CCDC88A: variants seen among roughly 807,000 people sequenced by gnomAD.
The protein encoded by CCDC88A is girdin.
CCDC88A carries 54 observed loss-of-function variants against 234.3 expected under a neutral mutation model. That is an observed-to-expected ratio of 0.23 (90% CI 0.19 to 0.29). The LOEUF (loss-of-function observed/expected upper bound fraction) is 0.29. Among genes scored for constraint, CCDC88A ranks in the 10% least tolerant of loss-of-function variants. CCDC88A has a pLI of 1.00. For synonymous variants in CCDC88A, 753 were observed against 737.8 expected, an observed-to-expected ratio of 1.02 and a Z score of -0.33; for missense variants, 1,832 against 2,123.4, an observed-to-expected ratio of 0.86 and a Z score of 2.70.
chr2:55,322,884 T>C (rs1326970340), intron 17 of CCDC88A, 192 bp from the exon 18 acceptor site: 2 of 389,786 alleles, frequency 5.1e-6, no homozygotes, highest in Non-Finnish European at 9.0e-6. Context: ...AAACATACTC[T>C]ACTTATGTGC....
intron 3 of CCDC88A, among the ~76,000 whole-genome samples, chr2:55,384,386 C>T (rs1335969638): frequency 6.7e-6 from 1 of 149,532 alleles, no homozygotes; most frequent in Non-Finnish European, 1.5e-5. Flanking sequence ...AATTTCCTGG[C>T]ACTAGAACTA....
Position 55,316,012 on chromosome 2 carries a change from T to C in CCDC88A, c.3849A>G (p.Thr1283=), listed in dbSNP as rs202016546. ...SLLNNSKLEQ[T]RLEAEFSKLK... ...GTTTTGAAAATTCAGCTTCTAATCT[T>C]GTTTGTTCCAGTTTGGAATTATTCA... The change falls in exon 22 of 33, where the codon ACA becomes ACG. Residue 1283 remains threonine (T), a synonymous_variant. Coordinates refer to ENST00000436346, the MANE Select transcript of CCDC88A (RefSeq NM_001365480.1). 6.3e-7 allele frequency: 1 copy of C among 1,591,022 alleles called. No homozygotes were observed. Among genetic ancestry groups the C allele is most frequent in the East Asian group, 2.3e-5 (1 of 43,848 alleles).
chr2:55,322,821 A>C (rs917457757), intron 17 of CCDC88A, 129 bp from the exon 18 acceptor site: 2 of 469,118 alleles, frequency 4.3e-6, no homozygotes, highest in African/African-American at 2.0e-5. Flanking sequence ...GTGATGAATA[A>C]TATGTATGAT....
chr2:55,393,007 T>C (rs971822203), intron 2 of CCDC88A, among the ~76,000 whole-genome samples: 1 of 152,118 alleles, frequency 6.6e-6, no homozygotes, highest in Non-Finnish European at 1.5e-5. Context: ...TAATCGAACA[T>C]AGTGATCTTT....
intron 7 of CCDC88A, among the ~76,000 whole-genome samples, chr2:55,357,865 C>G (rs1011747189): frequency 7.9e-5 from 12 of 152,160 alleles, no homozygotes; most frequent in African/African-American, 2.9e-4. Context: ...TGTTACCTCC[C>G]ATTTTTCTCC....
chr2:55,399,505 C>T (rs1462883358), intron 2 of CCDC88A, among the ~76,000 whole-genome samples: 4 of 136,480 alleles, frequency 2.9e-5, no homozygotes, highest in Admixed American at 8.2e-5. Context: ...CCAGCCTGGG[C>T]GACAGAATGA....
intron 12 of CCDC88A, 148 bp downstream of exon 12, chr2:55,343,500 A>T (rs529171430): frequency 1.8e-6 from 1 of 541,910 alleles, no homozygotes; most frequent in South Asian, 4.5e-5. Flanking sequence ...AAGAAAATGC[A>T]AACAATATAT....
intron 2 of CCDC88A, among the ~76,000 whole-genome samples, chr2:55,400,308 A>C (rs948305783): frequency 6.6e-6 from 1 of 152,226 alleles, no homozygotes; most frequent in African/African-American, 2.4e-5. Flanking sequence ...AACGTGAGCA[A>C]GTACCTTTCC....
At chr2:55,366,534 TACAC>T (rs201666406) in intron 5 of CCDC88A, among the ~76,000 whole-genome samples, 3,567 of 127,654 alleles carry the variant, frequency 0.028, 67 homozygotes, top group African/African-American at 0.061. Flanking sequence ...CACACACACA[TACAC>T]ACACACACAC....
intron 5 of CCDC88A, among the ~76,000 whole-genome samples, chr2:55,366,534 T>TACACACACACACAC (rs201666406): frequency 7.8e-6 from 1 of 127,638 alleles, no homozygotes; most frequent in Admixed American, 8.1e-5. Context: ...CACACACACA[T>TACACACACACACAC]ACACACACAC....
At position 55,355,761 on chromosome 2, in the gene CCDC88A, C is replaced by T; in HGVS notation, c.628-10G>A. 1 of 1,599,920 alleles carries T rather than the reference C, an allele frequency of 6.3e-7. No homozygotes were observed. Among genetic ancestry groups the T allele is most frequent in the Non-Finnish European group, 8.6e-7 (1 of 1,168,332 alleles). On this transcript the variant is annotated splice_polypyrimidine_tract_variant and intron_variant, in intron 7 of 32. Transcript: ENST00000436346. ...AGAGTTCTATGATAGTCTAGAAATA[C>T]ACACAGAATCACTTTCAGTATTCTA...
At chr2:55,330,598 GT>G (rs369793831) in intron 16 of CCDC88A, among the ~76,000 whole-genome samples, 1 of 152,046 alleles carries the variant, frequency 6.6e-6, no homozygotes, top group East Asian at 1.9e-4. Flanking sequence ...GAGTTTCTGG[GT>G]TTTTTTTGTG....
In CCDC88A at chr2:55,411,798, A is replaced by AAAAAAAAAC. The variant is rs1558849341; in HGVS notation, c.164+7017_164+7018insGTTTTTTTT. Among the ~76,000 whole-genome samples the AAAAAAAAAC allele has an allele frequency of 3.3e-5, 4 of 120,552 alleles. 1 individual carries two copies. The highest frequency in any genetic ancestry group is 6.4e-5 in the African/African-American group (2 of 31,438). 79.1% of individuals were successfully genotyped at this position (120,552 alleles called of 152,430 possible). ...CCGTCTCAAAAAAAAAAAAAAAAAAAAAAAACTCAACATATTGGACAGGAA... is the reference window on the plus strand; with the variant it reads ...CCGTCTCAAAAAAAAAAAAAAAAAAAAAAAAAAACAAAAACTCAACATATTGGACAGGAA... On this transcript the variant is annotated intron_variant, in intron 2 of 32. Transcript: ENST00000436346.
In CCDC88A at chr2:55,332,567, T is replaced by C. The variant is rs1420794407; in HGVS notation, c.2854A>G (p.Ser952Gly). The change falls in exon 16 of 33, where the codon AGT (serine) becomes GGT (glycine). Residue 952 changes from serine (S) to glycine (G), a missense_variant and splice_region_variant. This residue lies in a region of CCDC88A where 1,282 missense variants were observed against 1,543.6 expected (regional missense o/e 0.83). Transcript: ENST00000436346. The surrounding 1 kb of genome is among the most constrained non-coding windows in gnomAD (Gnocchi z 4.5). Reference protein sequence around the residue: ...LLHDEQSTDDSRYKLLESKLE... With the variant: ...LLHDEQSTDDGRYKLLESKLE... ...TTGCCAAGTAGACTTAGTACTCACC[T>C]GTCATCAGTACTTTGTTCATCATGT... is the stretch of plus-strand genomic sequence containing the variant. 4 of 1,611,836 alleles carry C rather than the reference T, an allele frequency of 2.5e-6. No homozygotes were observed. The highest frequency in any genetic ancestry group is 1.3e-5 in the African/African-American group (1 of 74,818).
At chr2:55,310,842 T>G (rs1682260465) in intron 23 of CCDC88A, among the ~76,000 whole-genome samples, 1 of 151,996 alleles carries the variant, frequency 6.6e-6, no homozygotes, top group Non-Finnish European at 1.5e-5. Flanking sequence ...AAGGCTGGAG[T>G]TCCCAGTTCG....
intron 29 of CCDC88A, among the ~76,000 whole-genome samples, chr2:55,298,244 T>G (rs570871560): frequency 1.3e-4 from 19 of 151,880 alleles, no homozygotes; most frequent in Non-Finnish European, 2.4e-4. Context: ...GCTCAAGTTA[T>G]GTAACATTTT....
intron 5 of CCDC88A, 113 bp downstream of exon 5, chr2:55,372,339 A>T (rs1672970170): frequency 1.3e-5 from 7 of 556,728 alleles, no homozygotes; most frequent in Non-Finnish European, 1.6e-5. Context: ...AAATTTTCTA[A>T]CATGGACTTT....
chr2:55,313,834 C>T (rs1682637305), intron 22 of CCDC88A: 1 of 152,080 alleles, frequency 6.6e-6, no homozygotes, highest in African/African-American at 2.4e-5. Context: ...AGATCTGTAA[C>T]TGTGAATATC....
intron 8 of CCDC88A, among the ~76,000 whole-genome samples, chr2:55,353,649 C>CAAAAAAAAAAAAA (rs34022778): frequency 1.3e-5 from 1 of 77,066 alleles, no homozygotes; most frequent in Non-Finnish European, 2.7e-5. Flanking sequence ...GAAACCAAAC[C>CAAAAAAAAAAAAA]AAAAAAAAAA....
Sources: allele counts gnomAD v4.1 joint callset (sites outside exome capture counted in the v4.1 genomes callset), GRCh38; gene constraint gnomAD v4.1.1; regional missense constraint gnomAD v4.1.1; non-coding constraint Gnocchi (gnomAD v3.1); transcripts MANE v1.5; gene names NCBI Gene and HGNC (gene_info 2026-07-23, HGNC 2026-07-21).